UBAP2: variants seen among roughly 807,000 people sequenced by gnomAD.
UBAP2 encodes the protein ubiquitin associated protein 2.
UBAP2 carries 75 observed loss-of-function variants against 139.6 expected under a neutral mutation model. The ratio of observed to expected loss-of-function variants is 0.54; its 90% CI spans 0.45 to 0.65. The LOEUF is 0.65. UBAP2 is among the 30% of genes least tolerant of loss of function. The pLI is 0.00. For synonymous variants in UBAP2, 526 were observed against 526.2 expected (o/e 1.00, Z 0.01); for missense variants, 1,368 against 1,369.6 (o/e 1.00, Z 0.02).
chr9:33,938,643 A>C (rs911337985), intron 16 of UBAP2, among the ~76,000 whole-genome samples: 1 of 152,054 alleles, frequency 6.6e-6, no homozygotes, highest in Non-Finnish European at 1.5e-5. Flanking sequence ...CTAAAAATAC[A>C]AAAATTAGCC....
At chr9:33,967,619 A>G (rs1049477323) in intron 8 of UBAP2, among the ~76,000 whole-genome samples, 2 of 152,208 alleles carry the variant, frequency 1.3e-5, no homozygotes, top group Non-Finnish European at 2.9e-5. Context: ...CTCCCTATTA[A>G]AAGGCAAAGC....
chr9:33,939,878 A>G lies in UBAP2; in HGVS notation c.1929+1771T>C, dbSNP rs1342454311. Among the ~76,000 whole-genome samples, 7 of 2,598 alleles carry G rather than the reference A, an allele frequency of 2.7e-3. 1 individual carries two copies. Among genetic ancestry groups the G allele is most frequent in the Admixed American group, 4.5e-3 (1 of 220 alleles). The allele number at this position is 2,598 out of a possible 152,430, so 1.7% of individuals were successfully genotyped here. A position where few individuals can be genotyped will look rare whatever the true frequency, so the allele number is the denominator to read the frequency against. Reference sequence around the variant, plus strand: ...GGAGGGGGAGGAGGAGGAGGAGGGGAGGAGGAGGAGGAGGGGAGGAGGAGG... The same window carrying G: ...GGAGGGGGAGGAGGAGGAGGAGGGGGGGAGGAGGAGGAGGGGAGGAGGAGG... On this transcript the variant is annotated intron_variant, in intron 16 of 28. Transcript: ENST00000379238.
chr9:34,034,557 C>A (rs1440597355), intron 1 of UBAP2, among the ~76,000 whole-genome samples: 2 of 152,282 alleles, frequency 1.3e-5, no homozygotes, highest in East Asian at 3.9e-4. Flanking sequence ...ATGAGAAATA[C>A]CCCACATCCT....
At chr9:33,938,919 T>C in intron 16 of UBAP2, 1 of 455,454 alleles carries the variant, frequency 2.2e-6, no homozygotes, top group Non-Finnish European at 4.4e-6. Context: ...TCTGAGAAGG[T>C]AATTTTAATC....
intron 10 of UBAP2, among the ~76,000 whole-genome samples, 170 bp downstream of exon 10, chr9:33,960,656 T>C (rs1306419820): frequency 6.6e-6 from 1 of 151,936 alleles, no homozygotes; most frequent in Non-Finnish European, 1.5e-5. Flanking sequence ...GGCGCACATC[T>C]GTAATCCCAG....
At chr9:33,987,404 T>A (rs1587617655) in intron 5 of UBAP2, among the ~76,000 whole-genome samples, 1 of 152,148 alleles carries the variant, frequency 6.6e-6, no homozygotes, top group Non-Finnish European at 1.5e-5. Context: ...TGAGCAAGAC[T>A]CTGTCTCAGA....
intron 6 of UBAP2, among the ~76,000 whole-genome samples, chr9:33,981,152 TATATATTCTGG>T (rs1212857575): frequency 2.5e-5 from 1 of 40,258 alleles, no homozygotes; most frequent in Non-Finnish European, 4.7e-5. Flanking sequence ...GATATATATA[TATATATTCTGG>T]ATATATATAT....
chr9:33,926,825 G>A (rs916804339), intron 21 of UBAP2, among the ~76,000 whole-genome samples, 161 bp from the exon 22 acceptor site: 2 of 152,202 alleles, frequency 1.3e-5, no homozygotes, highest in African/African-American at 4.8e-5. Context: ...ACGGAGTCTA[G>A]ATGGAAGAAG....
intron 2 of UBAP2, among the ~76,000 whole-genome samples, chr9:34,007,793 C>T (rs1823366385): frequency 6.6e-6 from 1 of 151,874 alleles, no homozygotes; most frequent in African/African-American, 2.4e-5. Flanking sequence ...CACCCGCCAC[C>T]ACTCCCGGCT....
intron 19 of UBAP2, 62 bp downstream of exon 19, chr9:33,932,500 T>C (rs991417906): frequency 2.6e-5 from 41 of 1,594,944 alleles, no homozygotes; most frequent in Non-Finnish European, 1.7e-5. Flanking sequence ...CCCAGCTGCA[T>C]GTGACTAAGC....
intron 1 of UBAP2, among the ~76,000 whole-genome samples, chr9:34,022,623 G>C (rs950546464): frequency 3.3e-5 from 5 of 151,660 alleles, no homozygotes; most frequent in African/African-American, 1.2e-4. Context: ...ATTTTTAGTA[G>C]AGATGGGGTT....
intron 6 of UBAP2, among the ~76,000 whole-genome samples, chr9:33,984,142 G>T (rs1821001640): frequency 1.3e-5 from 2 of 151,548 alleles, no homozygotes; most frequent in Non-Finnish European, 2.9e-5. Flanking sequence ...AATGTCAAGT[G>T]ATCTGCCCAC....
rs1355182601 is a variant in UBAP2, at chr9:34,005,327, T to C, written c.100-6463A>G. Among the ~76,000 whole-genome samples, 4 of 148,010 alleles carry C rather than the reference T, an allele frequency of 2.7e-5. No homozygotes were observed. In the Admixed American group the frequency reaches 2.7e-4, roughly 10 times the overall value. ...GCGCATACCTGTAGTCTCAGCTACC[T>C]GGAAGGCTGAGGTGTGAGAATCGCT... On this transcript the variant is annotated intron_variant, in intron 2 of 28. Coordinates refer to ENST00000379238, the MANE Select transcript of UBAP2 (RefSeq NM_001370062.2).
intron 2 of UBAP2, among the ~76,000 whole-genome samples, chr9:34,007,640 T>C (rs1272368644): frequency 1.5e-5 from 2 of 136,530 alleles, no homozygotes; most frequent in Non-Finnish European, 3.3e-5. Context: ...CTTGTATGTT[T>C]TATTTTTATT....
At chr9:33,999,083 C>T (rs182546047) in intron 2 of UBAP2, among the ~76,000 whole-genome samples, 5 of 152,258 alleles carry the variant, frequency 3.3e-5, no homozygotes, top group East Asian at 3.9e-4. Flanking sequence ...TTTGACCAAA[C>T]GACCTAAAGC....
chr9:33,935,721 G>A (rs1824443615), intron 17 of UBAP2, 118 bp downstream of exon 17: 4 of 1,208,652 alleles, frequency 3.3e-6, no homozygotes, highest in Non-Finnish European at 4.9e-6. Context: ...AAGCAAAAGG[G>A]CTGCTTTTTA....
intron 6 of UBAP2, among the ~76,000 whole-genome samples, chr9:33,977,586 A>T (rs1820259414): frequency 6.6e-6 from 1 of 152,050 alleles, no homozygotes; most frequent in Admixed American, 6.6e-5. Context: ...AAAGCGAATA[A>T]ACCATATTAT....
intron 9 of UBAP2, among the ~76,000 whole-genome samples, chr9:33,962,300 AT>A (rs1827107667): frequency 6.6e-6 from 1 of 152,224 alleles, no homozygotes; most frequent in African/African-American, 2.4e-5. Flanking sequence ...ACAGACTTTT[AT>A]ACATGATATG....
At position 33,929,193 on chromosome 9, in the gene UBAP2, G is replaced by A. The variant is rs149666611; in HGVS notation, c.2176-1201C>T. Among the ~76,000 whole-genome samples, 37 of 152,332 alleles carry A rather than the reference G, an allele frequency of 2.4e-4. No homozygotes were observed. The East Asian group carries it at 5.6e-3, about 23-fold the overall frequency. On this transcript the variant is annotated intron_variant, in intron 19 of 28. Coordinates refer to ENST00000379238, the MANE Select transcript of UBAP2 (RefSeq NM_001370062.2). ...TCTGGAGCAGCTCTGACCAGTGCTC[G>A]CAAGTGTACTTGGATATATACAACC...
Sources: gnomAD v4.1 joint callset for allele counts (sites outside exome capture counted in the v4.1 genomes callset) on GRCh38, gnomAD v4.1.1 for gene constraint, MANE v1.5 for transcripts, NCBI Gene and HGNC (gene_info 2026-07-23, HGNC 2026-07-21) for gene names.